Variants in TMC3 observed in about 807,000 individuals in gnomAD.
TMC3 encodes transmembrane channel like 3, also known as transmembrane channel-like protein 3.
TMC3 carries 98 observed loss-of-function variants against 110.6 expected under a neutral mutation model. The ratio of observed to expected loss-of-function variants is 0.89; its 90% CI spans 0.75 to 1.05. The LOEUF is 1.05. Ranked by LOEUF, TMC3 falls within the 50% of genes least tolerant of loss-of-function variation. The pLI, the probability that TMC3 is intolerant of heterozygous loss-of-function variation, is 0.00. For missense variants in TMC3, 1,319 were observed against 1,373.2 expected (o/e 0.96, Z 0.62); for synonymous variants, 489 against 513.1 (o/e 0.95, Z 0.63).
intron 2 of TMC3, 103 bp downstream of exon 2, chr15:81,372,488 A>G (rs1894458679): frequency 3.5e-6 from 5 of 1,425,786 alleles, no homozygotes; most frequent in Non-Finnish European, 4.9e-6. Flanking sequence ...TGACTGAGCC[A>G]TCTCTCTCAC....
At chr15:81,370,685 T>C (rs1307663089) in intron 2 of TMC3, among the ~76,000 whole-genome samples, 1 of 151,460 alleles carries the variant, frequency 6.6e-6, no homozygotes, top group Admixed American at 6.6e-5. Context: ...TATTTCTTTT[T>C]TTTTTTTTTT....
At chr15:81,340,401 A>C (rs529553206) in intron 16 of TMC3, among the ~76,000 whole-genome samples, 2 of 152,342 alleles carry the variant, frequency 1.3e-5, no homozygotes, top group South Asian at 4.1e-4. Flanking sequence ...AACATATATA[A>C]ATATATCAAA....
chr15:81,361,212 G>C (rs932769994), intron 4 of TMC3, among the ~76,000 whole-genome samples: 3 of 151,966 alleles, frequency 2.0e-5, no homozygotes, highest in African/African-American at 7.3e-5. Context: ...AAAAATAACA[G>C]TACTTTTTCC....
intron 12 of TMC3, among the ~76,000 whole-genome samples, chr15:81,345,931 ACTC>A (rs1326270924): frequency 1.3e-5 from 2 of 151,888 alleles, no homozygotes; most frequent in Non-Finnish European, 2.9e-5. Context: ...GGGAGCAAAT[ACTC>A]CTGCTGGGCT....
intron 17 of TMC3, 102 bp from the exon 18 acceptor site, chr15:81,338,882 A>ATT (rs1193802232): frequency 8.0e-7 from 1 of 1,251,886 alleles, no homozygotes; most frequent in Non-Finnish European, 1.1e-6. Context: ...AATTCATAAC[A>ATT]TTCCTCAAAT....
intron 7 of TMC3, among the ~76,000 whole-genome samples, chr15:81,357,897 A>G (rs1356402127): frequency 6.6e-6 from 1 of 152,224 alleles, no homozygotes; most frequent in Non-Finnish European, 1.5e-5. Flanking sequence ...GTGTTCAATA[A>G]GTACTTGTTA....
intron 17 of TMC3, 62 bp from the exon 18 acceptor site, chr15:81,338,842 C>T: frequency 1.3e-6 from 2 of 1,591,008 alleles, no homozygotes; most frequent in Non-Finnish European, 1.7e-6. Context: ...TGCTGCAAGA[C>T]ATCAGAAAAT....
At chr15:81,345,479 T>A (rs1893807070) in intron 12 of TMC3, among the ~76,000 whole-genome samples, 1 of 152,182 alleles carries the variant, frequency 6.6e-6, no homozygotes. Flanking sequence ...TTGATGTTAG[T>A]GTGATATGCC....
chr15:81,357,427 A>C (rs1894089290), intron 7 of TMC3, among the ~76,000 whole-genome samples: 1 of 151,984 alleles, frequency 6.6e-6, no homozygotes, highest in Non-Finnish European at 1.5e-5. Context: ...GGGTGGGGCC[A>C]GCTTTTCCCC....
intron 11 of TMC3, among the ~76,000 whole-genome samples, chr15:81,347,380 G>A (rs1395060983): frequency 4.6e-5 from 7 of 152,220 alleles, no homozygotes; most frequent in African/African-American, 7.2e-5. Context: ...TTGACCACCC[G>A]TGTGCAGGCA....
At chr15:81,338,563 C>T in intron 18 of TMC3, 92 bp downstream of exon 18, 2 of 1,533,904 alleles carry the variant, frequency 1.3e-6, no homozygotes, top group African/African-American at 2.8e-5. Flanking sequence ...TTTGAATGAA[C>T]TAATAAATTT....
intron 3 of TMC3, among the ~76,000 whole-genome samples, chr15:81,364,751 T>C (rs1894272958): frequency 1.4e-5 from 2 of 143,826 alleles, no homozygotes; most frequent in African/African-American, 5.3e-5. Context: ...AATTTAAAAA[T>C]CAATATAAAA....
Position 81,351,759 on chromosome 15 carries a change from C to T in TMC3, c.1018G>A (p.Val340Met). The change falls in exon 10 of 22, where the codon GTG becomes ATG. Residue 340 changes from valine (V) to methionine (M), a missense_variant. Val to Met is a conservative substitution (Grantham distance 21). Coordinates refer to ENST00000359440, the MANE Select transcript of TMC3 (RefSeq NM_001080532.3). ...TCCAGCTTCTGGGACCGGTCCACCA[C>T]AAAGTAGATGAGATAAATGCTCCCA... is the stretch of plus-strand genomic sequence containing the variant. ...LAGSIYLIYF[V>M]VDRSQKLEQS... 6.3e-7 allele frequency: 1 copy of T among 1,598,716 alleles called. No homozygotes were observed. The highest frequency in any genetic ancestry group is 1.7e-4 in the Middle Eastern group (1 of 6,042).
Position 81,336,642 on chromosome 15 carries a change from C to T in TMC3, c.2170G>A (p.Glu724Lys). The change falls in exon 20 of 22, where the codon GAG becomes AAG. Residue 724 changes from glutamate to lysine, a missense_variant. Coordinates refer to ENST00000359440, the MANE Select transcript of TMC3 (RefSeq NM_001080532.3). ...ATCTGGGCAACCTTTTTCTTATCCT[C>T]TGATCTTGCCTAAAATGCAAATGAT... ...LKMQIQNARS[E>K]DKKKVAQMVE... is the part of the protein sequence containing the mutation. 6.2e-7 allele frequency: 1 copy of T among 1,613,936 alleles called. No individual in the cohort carries two copies. Among genetic ancestry groups the T allele is most frequent in the African/African-American group, 1.3e-5 (1 of 75,040 alleles).
chr15:81,349,528 A>T lies in TMC3; in HGVS notation c.1123T>A (p.Ser375Thr). Residue 375 changes from serine to threonine, a missense_variant, in exon 11 of 22, where the codon TCA (serine) becomes ACA (threonine). Ser to Thr is a moderately conservative substitution (Grantham distance 58). Coordinates refer to ENST00000359440, the MANE Select transcript of TMC3 (RefSeq NM_001080532.3). ...VVSLVTMIAP[S>T]AFDLIAALEM... ...AAGGCAGCAATGAGGTCAAAGGCTG[A>T]TGGTGCTATCATGGTGACGAGGGAG... is the stretch of plus-strand genomic sequence containing the variant. 36 of 1,560,348 alleles carry T rather than the reference A, an allele frequency of 2.3e-5. No homozygotes were observed. Among genetic ancestry groups the T allele is most frequent in the Non-Finnish European group, 3.1e-5 (36 of 1,151,886 alleles).
chr15:81,352,105 TAGAGTC>T, intron 9 of TMC3, among the ~76,000 whole-genome samples: 1 of 152,318 alleles, frequency 6.6e-6, no homozygotes, highest in Middle Eastern at 3.4e-3. Context: ...CCTCTTGTTT[TAGAGTC>T]AGAGTATTTG....
At position 81,359,403 on chromosome 15, in the gene TMC3, G is replaced by A. The variant is rs147883999; in HGVS notation, c.463C>T (p.Leu155Phe). The A allele has an allele frequency of 5.0e-6, 8 of 1,606,886 alleles. No homozygotes were observed. The African/African-American group carries it at 1.1e-4, about 21-fold the overall frequency. The change falls in exon 5 of 22, where the codon CTC becomes TTC. Residue 155 changes from leucine (L) to phenylalanine (F), a missense_variant. Transcript: ENST00000359440. The stretch of plus-strand genomic sequence containing the variant: ...ATAAAAGCACCTGTCATAATGGTGA[G>A]CACAATATTAATTCCAAATAACCAT... ...LRWLFGINIV[L>F]TIMTGAFIVI...
At chr15:81,349,429 G>T in intron 11 of TMC3, 29 bp downstream of exon 11, 1 of 1,397,640 alleles carries the variant, frequency 7.2e-7, no homozygotes, top group Non-Finnish European at 9.4e-7. Flanking sequence ...GTGAGCCACA[G>T]GTGGCATTTC....
chr15:81,349,271 T>G (rs909133136), intron 11 of TMC3, among the ~76,000 whole-genome samples, 187 bp downstream of exon 11: 10 of 152,114 alleles, frequency 6.6e-5, no homozygotes, highest in African/African-American at 2.2e-4. Flanking sequence ...CTCCTCCTCT[T>G]CCCCTGCCTC....
Sources: gnomAD v4.1 joint callset for allele counts (sites outside exome capture counted in the v4.1 genomes callset) on GRCh38, gnomAD v4.1.1 for gene constraint, MANE v1.5 for transcripts, NCBI Gene and HGNC (gene_info 2026-07-23, HGNC 2026-07-21) for gene names.